Variants in CALN1 observed in about 807,000 individuals in gnomAD.
CALN1 encodes calneuron 1.
Under a neutral mutation model 30.6 loss-of-function variants are expected in CALN1, and 17 were observed. That is an observed-to-expected ratio of 0.56 (90% CI 0.38 to 0.83). CALN1 has a LOEUF of 0.83. CALN1 is among the 40% of genes least tolerant of loss of function. The pLI is 0.00. For missense variants in CALN1, 291 were observed against 354.9 expected, an observed-to-expected ratio of 0.82 and a Z score of 1.45; for synonymous variants, 156 against 131.4, an observed-to-expected ratio of 1.19 and a Z score of -1.28.
chr7:71,847,804 AAAG>A (rs1298763766), intron 5 of CALN1, among the ~76,000 whole-genome samples: 3 of 121,812 alleles, frequency 2.5e-5, no homozygotes, highest in African/African-American at 9.3e-5. Flanking sequence ...GAAAAGAAGA[AAAG>A]AAGGAGAAGG....
intron 2 of CALN1, among the ~76,000 whole-genome samples, chr7:72,378,906 G>A (rs1413572031): frequency 6.6e-6 from 1 of 151,972 alleles, no homozygotes; most frequent in African/African-American, 2.4e-5. Flanking sequence ...TTTTAAGCCA[G>A]GAATGAATGT....
intron 4 of CALN1, among the ~76,000 whole-genome samples, chr7:72,081,417 G>GTC (rs1554434302): frequency 6.8e-6 from 1 of 146,190 alleles, no homozygotes; most frequent in East Asian, 2.1e-4. Context: ...GTGTGTGTGT[G>GTC]TGTGTGTTTG....
At chr7:72,369,295 ATATT>A (rs1352042864) in intron 2 of CALN1, among the ~76,000 whole-genome samples, 1 of 147,180 alleles carries the variant, frequency 6.8e-6, no homozygotes, top group African/African-American at 2.5e-5. Flanking sequence ...TAAAATATAT[ATATT>A]TATATATTTA....
intron 1 of CALN1, among the ~76,000 whole-genome samples, chr7:72,440,985 AT>A (rs1477025645): frequency 6.6e-6 from 1 of 152,126 alleles, no homozygotes; most frequent in South Asian, 2.1e-4. Flanking sequence ...ATGATCATAT[AT>A]TTTTTATTTC....
intron 3 of CALN1, among the ~76,000 whole-genome samples, chr7:72,244,430 G>A (rs575649463): frequency 3.3e-5 from 5 of 152,058 alleles, no homozygotes; most frequent in Non-Finnish European, 7.4e-5. Context: ...AAAAATAAGC[G>A]TGTTCCTGCT....
At chr7:72,176,010 G>C (rs1293819260) in intron 3 of CALN1, among the ~76,000 whole-genome samples, 1 of 151,980 alleles carries the variant, frequency 6.6e-6, no homozygotes, top group Non-Finnish European at 1.5e-5. Flanking sequence ...AAAAATGTAT[G>C]GGAACAGACA....
At chr7:72,007,652 T>C (rs2129528971) in intron 5 of CALN1, among the ~76,000 whole-genome samples, 1 of 152,290 alleles carries the variant, frequency 6.6e-6, no homozygotes, top group East Asian at 1.9e-4. Flanking sequence ...TACACTAAAA[T>C]GTAAATTCCA....
upstream of CALN1, among the ~76,000 whole-genome samples, chr7:72,412,930 C>T (rs1323034812): frequency 1.3e-5 from 2 of 152,176 alleles, no homozygotes; most frequent in African/African-American, 4.8e-5. Flanking sequence ...TTAGGGTTAC[C>T]CTCTTTCTCC....
chr7:72,343,341 C>G (rs1039395891), intron 2 of CALN1, among the ~76,000 whole-genome samples: 2 of 152,028 alleles, frequency 1.3e-5, no homozygotes, highest in Non-Finnish European at 2.9e-5. Flanking sequence ...GAGGTCAGGA[C>G]TTTGAGACTA....
intron 3 of CALN1, among the ~76,000 whole-genome samples, chr7:72,274,583 G>T (rs1265714737): frequency 3.3e-5 from 5 of 151,586 alleles, no homozygotes; most frequent in Admixed American, 6.6e-5. Context: ...CAATCATACT[G>T]CATATATCTA....
At position 71,806,285 on chromosome 7, in the gene CALN1, CAT is replaced by C. The variant is rs1197943589; in HGVS notation, c.658+4049_658+4050del. 1.9e-4 allele frequency among the ~76,000 whole-genome samples: 26 copies of C among 139,924 alleles called. No homozygotes were observed. The South Asian group carries it at 2.9e-3, about 16-fold the overall frequency. 91.8% of individuals were successfully genotyped at this position (139,924 alleles called of 152,430 possible). A position where few individuals can be genotyped will look rare whatever the true frequency, so the allele number is the denominator to read the frequency against. On this transcript the variant is annotated intron_variant, in intron 6 of 6. Coordinates refer to ENST00000395275, the MANE Select transcript of CALN1 (RefSeq NM_031468.4). The stretch of plus-strand genomic sequence containing the variant: ...ACACACACACAAACACACACACACA[CAT>C]GATTATAGTTTCCCCCTCCTTTTTT...
chr7:72,343,739 T>A (rs61650618), intron 2 of CALN1, among the ~76,000 whole-genome samples: 1 of 152,174 alleles, frequency 6.6e-6, no homozygotes, highest in East Asian at 1.9e-4. Flanking sequence ...TGAGATGGAA[T>A]AGCAAGGAAC....
At chr7:72,355,378 T>C (rs1486518726) in intron 2 of CALN1, among the ~76,000 whole-genome samples, 1 of 151,698 alleles carries the variant, frequency 6.6e-6, no homozygotes, top group Admixed American at 6.6e-5. Context: ...ATACAAAAAT[T>C]AGCTAGGCGT....
At chr7:72,323,649 G>A (rs374415384) in intron 2 of CALN1, among the ~76,000 whole-genome samples, 29 of 141,018 alleles carry the variant, frequency 2.1e-4, no homozygotes, top group East Asian at 6.3e-4. Flanking sequence ...GGGACAGAGC[G>A]AGACTCCATC....
chr7:72,117,970 G>A (rs199904790), intron 3 of CALN1, among the ~76,000 whole-genome samples: 4,419 of 130,458 alleles, frequency 0.034, 109 homozygotes, highest in African/African-American at 0.078. Flanking sequence ...AAAAAAAAAA[G>A]AAAAAAAAAA....
intron 3 of CALN1, among the ~76,000 whole-genome samples, chr7:72,220,287 T>C (rs1309655342): frequency 1.3e-5 from 2 of 149,272 alleles, no homozygotes; most frequent in African/African-American, 4.9e-5. Context: ...TGAGAACATG[T>C]GGTGTTTGGT....
At chr7:72,298,290 G>A (rs78248899) in intron 2 of CALN1, among the ~76,000 whole-genome samples, 15 of 152,232 alleles carry the variant, frequency 9.9e-5, no homozygotes, top group Non-Finnish European at 1.9e-4. Context: ...GAAATAAGAC[G>A]CACACTTTGT....
chr7:72,041,096 C>T lies in CALN1; in HGVS notation c.389-17327G>A, dbSNP rs181270906. Among the ~76,000 whole-genome samples the T allele has an allele frequency of 4.2e-3, 638 of 152,084 alleles. 6 individuals carry two copies. The highest frequency in any genetic ancestry group is 0.015 in the African/African-American group (606 of 41,474). On this transcript the variant is annotated intron_variant, in intron 4 of 6. Coordinates refer to ENST00000395275, the MANE Select transcript of CALN1 (RefSeq NM_031468.4). ...TCAGCTTTATGGCCTAAAATTGAGG[C>T]AAAAGAGTGCCCTTTTGATATCCTG...
At position 72,019,018 on chromosome 7, in the gene CALN1, A is replaced by AT. The variant is rs201372988; in HGVS notation, c.501+4638dup. 6.6e-3 allele frequency among the ~76,000 whole-genome samples: 897 copies of AT among 136,120 alleles called. 5 individuals are homozygous for AT. Among genetic ancestry groups the AT allele is most frequent in the Non-Finnish European group, 0.01 (628 of 62,008 alleles). 89.3% of individuals were successfully genotyped at this position (136,120 alleles called of 152,430 possible). A position where few individuals can be genotyped will look rare whatever the true frequency, so the allele number is the denominator to read the frequency against. ...TATCCAGCTAATTTTTTTTTTTTGT[A>AT]TTTTTTTTTTTCAGTAGAGATGAGG... On this transcript the variant is annotated intron_variant, in intron 5 of 6. Coordinates refer to ENST00000395275, the MANE Select transcript of CALN1 (RefSeq NM_031468.4).
Sources: allele counts gnomAD v4.1 joint callset (sites outside exome capture counted in the v4.1 genomes callset), GRCh38; gene constraint gnomAD v4.1.1; transcripts MANE v1.5; gene names NCBI Gene and HGNC (gene_info 2026-07-23, HGNC 2026-07-21).